The following MTUS2 variants were observed in gnomAD, a reference collection of about 807,000 sequenced individuals.
The protein encoded by MTUS2 is microtubule-associated tumor suppressor candidate 2.
MTUS2 carries 40 observed loss-of-function variants against 114.1 expected under a neutral mutation model. That is an observed-to-expected ratio of 0.35 (90% confidence interval 0.27 to 0.46). MTUS2 has a LOEUF of 0.46. Ranked by LOEUF, MTUS2 falls within the 20% of genes least tolerant of loss-of-function variation. MTUS2 has a pLI of 1.00. For missense variants in MTUS2, 1,679 were observed against 1,705.4 expected, an observed-to-expected ratio of 0.98 and a Z score of 0.27; for synonymous variants, 688 against 672.0, an observed-to-expected ratio of 1.02 and a Z score of -0.37.
chr13:29,136,702 A>G (rs189061844), intron 5 of MTUS2, among the ~76,000 whole-genome samples: 102 of 152,240 alleles, frequency 6.7e-4, no homozygotes, highest in Middle Eastern at 3.4e-3. Flanking sequence ...CTTCTCCCTT[A>G]CCTCACCCTA....
intron 6 of MTUS2, chr13:29,307,429 GC>G: frequency 7.8e-7 from 1 of 1,280,934 alleles, no homozygotes; most frequent in Non-Finnish European, 1.1e-6. Context: ...CAAGGCTGTG[GC>G]CAAGGTCATC....
At chr13:29,215,495 T>TCCC (rs201536978) in intron 5 of MTUS2, among the ~76,000 whole-genome samples, 7 of 136,154 alleles carry the variant, frequency 5.1e-5, no homozygotes, top group African/African-American at 1.4e-4. Flanking sequence ...TTTTTTTTTT[T>TCCC]CCCCATCTTT....
chr13:29,167,427 T>C (rs888644855), intron 5 of MTUS2, among the ~76,000 whole-genome samples: 7 of 151,556 alleles, frequency 4.6e-5, no homozygotes, highest in African/African-American at 1.2e-4. Flanking sequence ...TCTTTCTTTT[T>C]TTTTTTTTAA....
At chr13:28,869,460 T>G (rs1459847217) in intron 2 of MTUS2, among the ~76,000 whole-genome samples, 1 of 152,212 alleles carries the variant, frequency 6.6e-6, no homozygotes, top group African/African-American at 2.4e-5. Flanking sequence ...TCAGGAATAT[T>G]CGTAAAGCTT....
chr13:29,242,445 A>G (rs1488536578), intron 5 of MTUS2: 2 of 172,254 alleles, frequency 1.2e-5, no homozygotes, highest in African/African-American at 4.8e-5. Flanking sequence ...TGGATATACT[A>G]CCTTGTATCT....
At chr13:29,474,941 C>T (rs753830782) in intron 9 of MTUS2, among the ~76,000 whole-genome samples, 13 of 152,188 alleles carry the variant, frequency 8.5e-5, no homozygotes, top group Admixed American at 2.0e-4. Context: ...GGAGTTAAAG[C>T]TACTGATCTT....
At chr13:29,166,808 A>C (rs1361226304) in intron 5 of MTUS2, among the ~76,000 whole-genome samples, 1 of 152,158 alleles carries the variant, frequency 6.6e-6, no homozygotes, top group African/African-American at 2.4e-5. Flanking sequence ...TCTGTTCTTG[A>C]AGTAAAGATG....
At chr13:29,002,284 T>C (rs1885419150) in intron 2 of MTUS2, among the ~76,000 whole-genome samples, 1 of 152,180 alleles carries the variant, frequency 6.6e-6, no homozygotes, top group South Asian at 2.1e-4. Context: ...GCCTCAGCTG[T>C]CTTAATAGTA....
At chr13:29,407,198 G>C (rs71427270) in intron 8 of MTUS2, among the ~76,000 whole-genome samples, 1 of 152,040 alleles carries the variant, frequency 6.6e-6, no homozygotes, top group South Asian at 2.1e-4. Context: ...GTGAGCTGAG[G>C]TCGTGCCATG....
intron 2 of MTUS2, among the ~76,000 whole-genome samples, chr13:28,942,999 A>G (rs1882328871): frequency 6.6e-6 from 1 of 152,212 alleles, no homozygotes; most frequent in African/African-American, 2.4e-5. Flanking sequence ...TGTGAGTTAG[A>G]AGGTTACCAT....
rs952405373 is a variant in MTUS2, at chr13:29,149,703, G to A, written c.2644+48733G>A. ...TCTTGAATTTATTTTTGTATATAGT[G>A]TAAAGAAGGGGCCTGGTTTCAATAT... On this transcript the variant is annotated intron_variant, in intron 5 of 15. Transcript: ENST00000612955. Among the ~76,000 whole-genome samples, 12 of 152,234 alleles carry A rather than the reference G, an allele frequency of 7.9e-5. No individual in the cohort carries two copies. In the South Asian group the frequency reaches 1.7e-3, roughly 21 times the overall value.
rs368161011 is a variant in MTUS2 at position 29,412,846 on chromosome 13, C to T, written c.3118-27137C>T. ...GTTCAAGGTTATGCTGAGCTATGAT[C>T]ATGTCATGTATTGGCAGGTTGCATT... On this transcript the variant is annotated intron_variant, in intron 8 of 15. Coordinates refer to ENST00000612955, the MANE Select transcript of MTUS2 (RefSeq NM_001033602.4). 4.6e-4 allele frequency among the ~76,000 whole-genome samples: 70 copies of T among 152,224 alleles called. 1 individual carries two copies. The highest frequency in any genetic ancestry group is 1.6e-3 in the African/African-American group (67 of 41,554).
intron 5 of MTUS2, among the ~76,000 whole-genome samples, chr13:29,174,031 T>G (rs1206374498): frequency 6.6e-6 from 1 of 152,158 alleles, no homozygotes; most frequent in Non-Finnish European, 1.5e-5. Flanking sequence ...GACATTGTGC[T>G]TGCAAAGGGA....
intron 5 of MTUS2, among the ~76,000 whole-genome samples, chr13:29,189,280 C>A (rs1241468861): frequency 6.6e-6 from 1 of 152,210 alleles, no homozygotes; most frequent in Non-Finnish European, 1.5e-5. Context: ...TAGAAAGTAT[C>A]TTCAGGGGAT....
At chr13:29,106,376 T>C (rs1566012119) in intron 5 of MTUS2, among the ~76,000 whole-genome samples, 1 of 152,128 alleles carries the variant, frequency 6.6e-6, no homozygotes. Context: ...TGCCTGCTGA[T>C]TTTTTGGAGA....
At chr13:29,144,258 C>T (rs1176218898) in intron 5 of MTUS2, among the ~76,000 whole-genome samples, 1 of 152,176 alleles carries the variant, frequency 6.6e-6, no homozygotes, top group Non-Finnish European at 1.5e-5. Flanking sequence ...TTCTGTGGGT[C>T]AGGAGTCTGA....
At position 29,479,158 on chromosome 13, in the gene MTUS2, G is replaced by A. The variant is rs372850371; in HGVS notation, c.3185-992G>A. Among the ~76,000 whole-genome samples, 21 of 152,308 alleles carry A rather than the reference G, an allele frequency of 1.4e-4. No individual in the cohort carries two copies. The South Asian group carries it at 1.9e-3, about 14-fold the overall frequency. On this transcript the variant is annotated intron_variant, in intron 9 of 15. Transcript: ENST00000612955. ...TGTACCTGCTCAACTCTATTTTAAC[G>A]TAAATGCCAATGTCTCCCCAGTTCG... is the stretch of plus-strand genomic sequence containing the variant.
intron 8 of MTUS2, among the ~76,000 whole-genome samples, chr13:29,421,221 T>C (rs181482108): frequency 3.9e-5 from 6 of 152,302 alleles, no homozygotes; most frequent in African/African-American, 1.4e-4. Flanking sequence ...AAAATCTAGA[T>C]GGATTGTGTT....
intron 12 of MTUS2, among the ~76,000 whole-genome samples, chr13:29,495,933 T>C (rs1196438938): frequency 6.6e-6 from 1 of 152,122 alleles, no homozygotes; most frequent in African/African-American, 2.4e-5. Flanking sequence ...TGTGTGTGTG[T>C]GTATCTATAT....
Sources: gnomAD v4.1 joint callset for allele counts (sites outside exome capture counted in the v4.1 genomes callset) on GRCh38, gnomAD v4.1.1 for gene constraint, MANE v1.5 for transcripts, NCBI Gene and HGNC (gene_info 2026-07-23, HGNC 2026-07-21) for gene names.